Variants in MACROD2 observed in about 807,000 individuals in gnomAD.
The protein encoded by MACROD2 is mono-ADP ribosylhydrolase 2.
In MACROD2, 36 loss-of-function variants were observed where a neutral mutation model predicts 70.4. That is an observed-to-expected ratio of 0.51 (90% CI 0.39 to 0.68). MACROD2 has a LOEUF of 0.68. Ranked by LOEUF, MACROD2 falls within the 30% of genes least tolerant of loss-of-function variation. MACROD2 has a pLI of 0.00. For synonymous variants in MACROD2, 172 were observed against 178.8 expected (o/e 0.96, Z 0.30); for missense variants, 496 against 538.4 (o/e 0.92, Z 0.78).
intron 5 of MACROD2, among the ~76,000 whole-genome samples, chr20:15,043,024 A>T (rs945166891): frequency 2.0e-5 from 3 of 152,096 alleles, no homozygotes; most frequent in African/African-American, 7.2e-5. Context: ...GGCCTGGGTG[A>T]AAGGGACCCA....
chr20:15,550,779 A>AT (rs1489471869), intron 8 of MACROD2, among the ~76,000 whole-genome samples: 2 of 151,998 alleles, frequency 1.3e-5, no homozygotes, highest in African/African-American at 4.8e-5. Flanking sequence ...TTGTACATGG[A>AT]TTTTCTCCTT....
intron 8 of MACROD2, among the ~76,000 whole-genome samples, chr20:15,591,273 T>C (rs1366287631): frequency 6.6e-6 from 1 of 152,214 alleles, no homozygotes; most frequent in African/African-American, 2.4e-5. Context: ...TCTTGGGTTC[T>C]CCCATTCCTG....
chr20:15,418,548 T>C (rs1487616301), intron 6 of MACROD2, among the ~76,000 whole-genome samples: 1 of 152,176 alleles, frequency 6.6e-6, no homozygotes, highest in Non-Finnish European at 1.5e-5. Context: ...ATTGGTTGGT[T>C]GGTGTGAATA....
chr20:14,092,882 C>T (rs1337465535), intron 3 of MACROD2, among the ~76,000 whole-genome samples: 3 of 152,142 alleles, frequency 2.0e-5, no homozygotes, highest in Non-Finnish European at 4.4e-5. Context: ...GTAGAGGAAA[C>T]GGAGGATATC....
In MACROD2 at chr20:15,767,537, C is replaced by A. The variant is rs551942624; in HGVS notation, c.646-95208C>A. 1.9e-4 allele frequency among the ~76,000 whole-genome samples: 29 copies of A among 152,054 alleles called. No homozygotes were observed. In the South Asian group the frequency reaches 6.0e-3, roughly 31 times the overall value. On this transcript the variant is annotated intron_variant, in intron 8 of 17. Transcript: ENST00000684519. ...TTAAATGAAGAAAGACTTGTTTAAC[C>A]AATGGCAAAGAATTCTCCACCTTGT...
intron 6 of MACROD2, among the ~76,000 whole-genome samples, chr20:15,324,049 A>G (rs1254957315): frequency 6.6e-6 from 1 of 152,104 alleles, no homozygotes; most frequent in Non-Finnish European, 1.5e-5. Context: ...GATCTCTACA[A>G]TGAATTGTAC....
chr20:14,949,726 T>A (rs1469604559), intron 5 of MACROD2, among the ~76,000 whole-genome samples: 2 of 152,222 alleles, frequency 1.3e-5, no homozygotes, highest in African/African-American at 4.8e-5. Context: ...TGACAAGCAT[T>A]GTGCTTCAAA....
At chr20:15,565,293 C>T (rs532082395) in intron 8 of MACROD2, among the ~76,000 whole-genome samples, 1 of 152,164 alleles carries the variant, frequency 6.6e-6, no homozygotes, top group African/African-American at 2.4e-5. Flanking sequence ...GAGGTAAACA[C>T]GCAAGGAGTC....
At chr20:14,974,860 T>G (rs1220757531) in intron 5 of MACROD2, among the ~76,000 whole-genome samples, 2 of 152,096 alleles carry the variant, frequency 1.3e-5, no homozygotes, top group Non-Finnish European at 2.9e-5. Context: ...GCAGACTGTG[T>G]GAACTCTAGA....
At chr20:14,149,025 C>G (rs2054978751) in intron 3 of MACROD2, among the ~76,000 whole-genome samples, 1 of 152,116 alleles carries the variant, frequency 6.6e-6, no homozygotes, top group South Asian at 2.1e-4. Flanking sequence ...CTCTCTGTAC[C>G]TAGCTCCTGT....
At position 14,339,349 on chromosome 20, in the gene MACROD2, C is replaced by T. The variant is rs555355922; in HGVS notation, c.272-154130C>T. Among the ~76,000 whole-genome samples the T allele has an allele frequency of 5.1e-4, 78 of 152,250 alleles. 1 individual carries two copies. In the South Asian group the frequency reaches 8.3e-3, roughly 16 times the overall value. Reference sequence around the variant, plus strand: ...TAGGTAGTACAATTAAACTGATATGCAGCAGCTGAATTTTGGGAGGAAAGG... The same window carrying T: ...TAGGTAGTACAATTAAACTGATATGTAGCAGCTGAATTTTGGGAGGAAAGG... On this transcript the variant is annotated intron_variant, in intron 3 of 17. Transcript: ENST00000684519.
intron 2 of MACROD2, among the ~76,000 whole-genome samples, chr20:14,018,993 T>C (rs1236195092): frequency 2.0e-5 from 3 of 152,174 alleles, no homozygotes; most frequent in Non-Finnish European, 4.4e-5. Flanking sequence ...AGGCATGATC[T>C]CATTGGGCTG....
At chr20:14,834,661 A>G (rs1469119717) in intron 5 of MACROD2, among the ~76,000 whole-genome samples, 2 of 152,084 alleles carry the variant, frequency 1.3e-5, no homozygotes, top group Admixed American at 6.6e-5. Flanking sequence ...AATGGGTACT[A>G]CAATATATCT....
chr20:14,009,961 G>A (rs1311083439), intron 2 of MACROD2, among the ~76,000 whole-genome samples: 1 of 152,090 alleles, frequency 6.6e-6, no homozygotes, highest in African/African-American at 2.4e-5. Flanking sequence ...ACACACACTG[G>A]GCCTGTCAGA....
chr20:14,207,976 GT>G (rs2081539341), intron 3 of MACROD2, among the ~76,000 whole-genome samples: 1 of 152,142 alleles, frequency 6.6e-6, no homozygotes, highest in East Asian at 1.9e-4. Context: ...GCTAATAATT[GT>G]CTTCTTTTTT....
At chr20:14,527,287 C>T (rs1443390601) in intron 4 of MACROD2, among the ~76,000 whole-genome samples, 5 of 151,896 alleles carry the variant, frequency 3.3e-5, no homozygotes, top group African/African-American at 4.8e-5. Context: ...CGTAGGCACA[C>T]GATGGGGGTG....
intron 6 of MACROD2, among the ~76,000 whole-genome samples, chr20:15,381,982 G>C (rs1300840052): frequency 6.6e-6 from 1 of 152,160 alleles, no homozygotes; most frequent in African/African-American, 2.4e-5. Flanking sequence ...CAAATCCCTA[G>C]CTGGGAAGGG....
At chr20:15,174,198 C>T (rs996558120) in intron 5 of MACROD2, among the ~76,000 whole-genome samples, 1 of 152,040 alleles carries the variant, frequency 6.6e-6, no homozygotes, top group Non-Finnish European at 1.5e-5. Context: ...TGCAATGTCT[C>T]GTCTTAATAT....
chr20:14,692,762 G>C (rs1303316495), intron 5 of MACROD2, among the ~76,000 whole-genome samples: 1 of 152,128 alleles, frequency 6.6e-6, no homozygotes, highest in Non-Finnish European at 1.5e-5. Flanking sequence ...GTATAAGAAA[G>C]CACAGGGGCC....
Sources: allele counts gnomAD v4.1 joint callset (sites outside exome capture counted in the v4.1 genomes callset), GRCh38; gene constraint gnomAD v4.1.1; transcripts MANE v1.5; gene names NCBI Gene and HGNC (gene_info 2026-07-23, HGNC 2026-07-21).